SDK1: variants seen among roughly 807,000 people sequenced by gnomAD.
SDK1 encodes sidekick cell adhesion molecule 1, also known as protein sidekick-1.
A neutral mutation model predicts 245.5 loss-of-function variants in SDK1; 157 were observed. The ratio of observed to expected loss-of-function variants is 0.64; its 90% confidence interval spans 0.56 to 0.73. The LOEUF is 0.73. SDK1 is among the 30% of genes least tolerant of loss of function. SDK1 has a pLI of 0.00. For missense variants in SDK1, 3,583 were observed against 3,002.3 expected (o/e 1.19, Z -4.52); for synonymous variants, 1,647 against 1,278.5 (o/e 1.29, Z -6.15).
At chr7:3,486,604 T>TTATG in intron 1 of SDK1, among the ~76,000 whole-genome samples, 1 of 152,144 alleles carries the variant, frequency 6.6e-6, no homozygotes, top group East Asian at 1.9e-4. Context: ...GCTTTATTTG[T>TTATG]TATGTATGTA....
chr7:3,802,951 G>A lies in SDK1; in HGVS notation c.714-18499G>A, dbSNP rs186929575. ...TGAACATTTCTATTCAGGTTTTTGC[G>A]TAGATGTAAATTTTCATTTCTCTGA... is the stretch of plus-strand genomic sequence containing the variant. On this transcript the variant is annotated intron_variant, in intron 4 of 44. Transcript: ENST00000404826. Among the ~76,000 whole-genome samples, 6 of 152,282 alleles carry A rather than the reference G, an allele frequency of 3.9e-5. No homozygotes were observed. The East Asian group carries it at 5.8e-4, about 15-fold the overall frequency.
intron 40 of SDK1, among the ~76,000 whole-genome samples, chr7:4,228,148 G>A (rs1315073104): frequency 6.6e-6 from 1 of 152,208 alleles, no homozygotes; most frequent in African/African-American, 2.4e-5. Context: ...TCCTTCTGAG[G>A]TGGACAGGAT....
chr7:3,315,924 G>A (rs1228294002), intron 1 of SDK1, among the ~76,000 whole-genome samples: 2 of 151,992 alleles, frequency 1.3e-5, no homozygotes, highest in Non-Finnish European at 2.9e-5. Context: ...TTAAGTTACA[G>A]GCTCATTATA....
At chr7:3,482,471 C>G (rs768794999) in intron 1 of SDK1, among the ~76,000 whole-genome samples, 2 of 152,156 alleles carry the variant, frequency 1.3e-5, no homozygotes, top group Non-Finnish European at 2.9e-5. Context: ...CTGAATAAAT[C>G]TGGAACCCTA....
chr7:3,679,842 T>A (rs188152208), intron 4 of SDK1, among the ~76,000 whole-genome samples: 1 of 152,182 alleles, frequency 6.6e-6, no homozygotes, highest in Non-Finnish European at 1.5e-5. Flanking sequence ...AGAAACAGTG[T>A]GGCAGTTTGT....
intron 4 of SDK1, among the ~76,000 whole-genome samples, chr7:3,732,736 C>T (rs566688810): frequency 5.9e-5 from 9 of 152,244 alleles, no homozygotes; most frequent in Middle Eastern, 6.8e-3. Flanking sequence ...AGAGAGGGTA[C>T]GAAAACTTTA....
chr7:4,085,862 C>G (rs1233560371), intron 22 of SDK1, among the ~76,000 whole-genome samples: 1 of 152,142 alleles, frequency 6.6e-6, no homozygotes, highest in African/African-American at 2.4e-5. Flanking sequence ...GCTCATTTTA[C>G]ATTTTAAAAA....
At chr7:3,496,102 G>C (rs1583950245) in intron 1 of SDK1, among the ~76,000 whole-genome samples, 3 of 152,148 alleles carry the variant, frequency 2.0e-5, no homozygotes. Context: ...CTGGAGATGC[G>C]TAGTGTGGTC....
chr7:3,991,125 A>G (rs988455009), intron 14 of SDK1, among the ~76,000 whole-genome samples: 2 of 152,336 alleles, frequency 1.3e-5, no homozygotes, highest in Admixed American at 1.3e-4. Context: ...ATGTGACTGT[A>G]TAGAAGGCAA....
At chr7:4,203,068 C>T (rs1049745616) in intron 35 of SDK1, among the ~76,000 whole-genome samples, 5 of 152,228 alleles carry the variant, frequency 3.3e-5, no homozygotes, top group Admixed American at 6.5e-5. Context: ...GACAGAATGC[C>T]GTCCTTGCTG....
At chr7:3,465,003 C>T (rs948408988) in intron 1 of SDK1, among the ~76,000 whole-genome samples, 3 of 152,030 alleles carry the variant, frequency 2.0e-5, no homozygotes, top group Non-Finnish European at 4.4e-5. Context: ...TGTTGCTAAC[C>T]AGAGGAACCA....
Position 4,005,369 on chromosome 7 carries a change from C to A in SDK1, c.2132-5597C>A, listed in dbSNP as rs2128146218. 1.3e-5 allele frequency among the ~76,000 whole-genome samples: 2 copies of A among 148,236 alleles called. 1 individual carries two copies. ...ACTGGATTTGAGCTGCCTTCCGTTT[C>A]CGGGTAGTTTCTTTTCTTATGTGAG... On this transcript the variant is annotated intron_variant, in intron 14 of 44. Coordinates refer to ENST00000404826, the MANE Select transcript of SDK1 (RefSeq NM_152744.4).
At chr7:3,650,372 A>G (rs1231787746) in intron 4 of SDK1, among the ~76,000 whole-genome samples, 2 of 152,112 alleles carry the variant, frequency 1.3e-5, no homozygotes, top group Admixed American at 6.5e-5. Flanking sequence ...TCCTTCCCCT[A>G]GTCCCTGGAA....
chr7:3,888,347 A>G (rs542911904), intron 5 of SDK1, among the ~76,000 whole-genome samples: 1 of 152,332 alleles, frequency 6.6e-6, no homozygotes, highest in African/African-American at 2.4e-5. Context: ...GGCCCACAGC[A>G]TCGGGGTGGA....
At chr7:4,170,422 G>C (rs935022631) in intron 32 of SDK1, among the ~76,000 whole-genome samples, 1 of 152,086 alleles carries the variant, frequency 6.6e-6, no homozygotes, top group African/African-American at 2.4e-5. Flanking sequence ...ACTCCAGCCT[G>C]GGTGACAGGG....
intron 14 of SDK1, among the ~76,000 whole-genome samples, chr7:3,993,178 T>G (rs1784469525): frequency 6.6e-6 from 1 of 152,242 alleles, no homozygotes; most frequent in Non-Finnish European, 1.5e-5. Flanking sequence ...GATTTTCGTT[T>G]AATGCAACAG....
intron 4 of SDK1, among the ~76,000 whole-genome samples, chr7:3,775,039 A>G (rs541257740): frequency 1.2e-4 from 19 of 152,298 alleles, no homozygotes; most frequent in African/African-American, 4.3e-4. Context: ...GATCGATGGC[A>G]GGGTCAGCTT....
intron 5 of SDK1, among the ~76,000 whole-genome samples, chr7:3,869,835 G>A (rs186142635): frequency 2.6e-5 from 4 of 152,306 alleles, no homozygotes; most frequent in East Asian, 3.9e-4. Context: ...AACCTAACAC[G>A]TTGCTTGCGA....
chr7:3,376,672 CT>C (rs1183757166), intron 1 of SDK1, among the ~76,000 whole-genome samples: 9 of 152,152 alleles, frequency 5.9e-5, no homozygotes, highest in African/African-American at 2.2e-4. Flanking sequence ...ATTTGTCTGA[CT>C]TTTCTGGAGG....
Sources: allele counts gnomAD v4.1 joint callset (sites outside exome capture counted in the v4.1 genomes callset), GRCh38; gene constraint gnomAD v4.1.1; transcripts MANE v1.5; gene names NCBI Gene and HGNC (gene_info 2026-07-23, HGNC 2026-07-21).